DDX11: variants seen among roughly 807,000 people sequenced by gnomAD.
DDX11 encodes DEAD/H-box helicase 11, also known as ATP-dependent DNA helicase DDX11.
Under a neutral mutation model 125.2 loss-of-function variants are expected in DDX11, and 72 were observed. The observed-to-expected ratio is 0.58, with a 90% CI of 0.48 to 0.70. DDX11 has a LOEUF of 0.70. DDX11 is among the 30% of genes least tolerant of loss of function. DDX11 has a pLI of 0.00. For synonymous variants in DDX11, 347 were observed against 452.6 expected (o/e 0.77, Z 2.96); for missense variants, 883 against 1,165.0 (o/e 0.76, Z 3.52).
In DDX11 at chr12:31,103,741, A is replaced by G. The variant is rs1406310256; in HGVS notation, c.2691+10A>G. On this transcript the variant is annotated intron_variant, in intron 26 of 26. Coordinates refer to ENST00000542838, the MANE Select transcript of DDX11 (RefSeq NM_030653.4). ...TGCTGCTGTGCAGAAGGTCAGTCCT[A>G]CCTTTTTCTTTCTGAGAGCCTCCCC... is the stretch of plus-strand genomic sequence containing the variant. The G allele has an allele frequency of 2.5e-6, 4 of 1,613,468 alleles. No homozygotes were observed. The highest frequency in any genetic ancestry group is 1.7e-5 in the Admixed American group (1 of 60,010).
chr12:31,074,879 G>C (rs1312575630), intron 1 of DDX11, among the ~76,000 whole-genome samples: 1 of 152,232 alleles, frequency 6.6e-6, no homozygotes, highest in African/African-American at 2.4e-5. Context: ...CATAAACTGG[G>C]TGGCTTAGAC....
chr12:31,096,632 C>T lies in DDX11; in HGVS notation c.1522-5C>T, dbSNP rs1179789271. ...CTCTCCACTGCTCTCTCTCATCCCACCCAGCTCTTTGGATTCACTGAACGG... is the reference window on the plus strand; with the variant it reads ...CTCTCCACTGCTCTCTCTCATCCCATCCAGCTCTTTGGATTCACTGAACGG... On this transcript the variant is annotated splice_polypyrimidine_tract_variant and splice_region_variant and intron_variant, in intron 15 of 26. Coordinates refer to ENST00000542838, the MANE Select transcript of DDX11 (RefSeq NM_030653.4). 6.2e-7 allele frequency: 1 copy of T among 1,613,078 alleles called. No homozygotes were observed. Among genetic ancestry groups the T allele is most frequent in the Non-Finnish European group, 8.5e-7 (1 of 1,179,876 alleles).
rs1046459 is a variant in DDX11 at position 31,104,127 on chromosome 12, T to A, written c.*291T>A. The A allele has an allele frequency of 1.8e-5, 27 of 1,482,508 alleles. No homozygotes were observed. The highest frequency in any genetic ancestry group is 2.4e-5 in the Non-Finnish European group (27 of 1,116,210). The allele number at this position is 1,482,508 out of a possible 1,614,324, so 91.8% of individuals were successfully genotyped here. A position where few individuals can be genotyped will look rare whatever the true frequency, so the allele number is the denominator to read the frequency against. ...CATCCTGCATGGCTGAGAGCCAGGC[T>A]TCCTTCCTGGTCTCCGCAGGAGGCT... On this transcript the variant is annotated 3_prime_UTR_variant, in exon 27 of 27. Coordinates refer to ENST00000542838, the MANE Select transcript of DDX11 (RefSeq NM_030653.4).
intron 2 of DDX11, among the ~76,000 whole-genome samples, chr12:31,082,460 C>T (rs552472407): frequency 0.01 from 1,556 of 151,960 alleles, 29 homozygotes; most frequent in African/African-American, 0.035. Flanking sequence ...GGAACCCTGG[C>T]ACCTGGCTGT....
At chr12:31,101,193 C>A (rs1174257754) in intron 20 of DDX11, 63 bp downstream of exon 20, 16 of 1,441,224 alleles carry the variant, frequency 1.1e-5, no homozygotes, top group Admixed American at 5.0e-5. Context: ...TTTTCTGGGG[C>A]AGGGGCGCTC....
chr12:31,092,458 C>A (rs944910251), intron 10 of DDX11, among the ~76,000 whole-genome samples: 4 of 152,224 alleles, frequency 2.6e-5, no homozygotes, highest in African/African-American at 7.2e-5. Context: ...CCCACGACAT[C>A]CCACCAGCTC....
intron 4 of DDX11, 53 bp from the exon 5 acceptor site, chr12:31,084,916 G>C: frequency 6.4e-7 from 1 of 1,559,560 alleles, no homozygotes; most frequent in East Asian, 2.4e-5. Context: ...GGGGAGGTGG[G>C]TACTGGTGCT....
intron 1 of DDX11, among the ~76,000 whole-genome samples, chr12:31,074,937 T>A (rs1940490460): frequency 6.6e-6 from 1 of 152,282 alleles, no homozygotes. Flanking sequence ...ATGTCCAAGA[T>A]CAATGTGGGG....
intron 11 of DDX11, 92 bp from the exon 12 acceptor site, chr12:31,093,153 G>A (rs1944534525): frequency 1.5e-6 from 2 of 1,368,988 alleles, no homozygotes; most frequent in Non-Finnish European, 2.0e-6. Flanking sequence ...GACCCAGTTT[G>A]AGAGGCACCG....
At chr12:31,076,083 G>C (rs1343526248) in intron 1 of DDX11, among the ~76,000 whole-genome samples, 1 of 152,174 alleles carries the variant, frequency 6.6e-6, no homozygotes, top group Non-Finnish European at 1.5e-5. Flanking sequence ...AGCCTGACCA[G>C]TCTCAGGCTG....
intron 26 of DDX11, 35 bp downstream of exon 26, chr12:31,103,766 C>T: frequency 1.9e-6 from 3 of 1,613,688 alleles, no homozygotes; most frequent in Non-Finnish European, 2.5e-6. Flanking sequence ...AGAGCCTCCC[C>T]ACCCCGAGAT....
chr12:31,101,735 C>T, intron 20 of DDX11, 98 bp from the exon 21 acceptor site: 1 of 1,545,518 alleles, frequency 6.5e-7, no homozygotes, highest in Non-Finnish European at 8.9e-7. Flanking sequence ...TGCCGAGGGT[C>T]TCTCCTCAGT....
rs1942525592 is a variant in DDX11 at position 31,083,954 on chromosome 12, T to G, written c.286T>G (p.Ser96Ala). The change falls in exon 3 of 27, where the codon TCT (serine) becomes GCT (alanine). Residue 96 changes from serine to alanine, a missense_variant. By Grantham distance (99) the Ser-to-Ala change is moderately conservative. Coordinates refer to ENST00000542838, the MANE Select transcript of DDX11 (RefSeq NM_030653.4). ...DEKDESLCLSSSCEGAAGTPR... is the reference protein window; with the variant it reads ...DEKDESLCLSASCEGAAGTPR... ...GAAAGATGAATCCCTGTGTCTGTCT[T>G]CTTCCTGCGAAGGGGCTGCAGGCAC... is the stretch of plus-strand genomic sequence containing the variant. The G allele has an allele frequency of 6.2e-7, 1 of 1,613,964 alleles. No individual in the cohort carries two copies. The highest frequency in any genetic ancestry group is 8.5e-7 in the Non-Finnish European group (1 of 1,179,874).
chr12:31,095,826 A>G (rs1945126455), intron 14 of DDX11, among the ~76,000 whole-genome samples: 1 of 152,030 alleles, frequency 6.6e-6, no homozygotes, highest in Admixed American at 6.6e-5. Flanking sequence ...CTCACCATTG[A>G]GGGAATCCTC....
intron 5 of DDX11, chr12:31,086,021 G>A (rs563201824): frequency 1.5e-5 from 7 of 454,260 alleles, no homozygotes; most frequent in South Asian, 1.1e-4. Flanking sequence ...CAGTCTGTCT[G>A]CAGGGCGCCT....
At chr12:31,075,956 A>G (rs1358027048) in intron 1 of DDX11, among the ~76,000 whole-genome samples, 1 of 152,136 alleles carries the variant, frequency 6.6e-6, no homozygotes, top group African/African-American at 2.4e-5. Context: ...CAGCGGCCAG[A>G]CAGCCGGAGA....
Position 31,091,887 on chromosome 12 carries a change from C to T in DDX11, c.1242+16C>T, listed in dbSNP as rs369752419. 862 of 1,613,780 alleles carry T rather than the reference C, an allele frequency of 5.3e-4. 13 individuals are homozygous for T. The East Asian group carries it at 0.015, about 28-fold the overall frequency. On this transcript the variant is annotated intron_variant, in intron 10 of 26. Coordinates refer to ENST00000542838, the MANE Select transcript of DDX11 (RefSeq NM_030653.4). Reference sequence around the variant, plus strand: ...CGGCTCCCAGGTGTGTGGGCCTCCCCTCCCCGGGCCAGGGCCTGCTGTGAC... The same window carrying T: ...CGGCTCCCAGGTGTGTGGGCCTCCCTTCCCCGGGCCAGGGCCTGCTGTGAC...
chr12:31,101,980 A>G lies in DDX11; in HGVS notation c.2200A>G (p.Lys734Glu), dbSNP rs747499211. Residue 734 changes from lysine to glutamate, a missense_variant and splice_region_variant, in exon 21 of 27, where the codon AAG becomes GAG. Coordinates refer to ENST00000542838, the MANE Select transcript of DDX11 (RefSeq NM_030653.4). ...GCTGGGCCGTCTGGCTGCCAGGAAGAAGGTGAGTGGCCTGTCGGCAGCCTT... is the reference window on the plus strand; with the variant it reads ...GCTGGGCCGTCTGGCTGCCAGGAAGGAGGTGAGTGGCCTGTCGGCAGCCTT... The part of the protein sequence containing the change: ...GLLGRLAARK[K>E]IFQEPKSAHQ... The G allele has an allele frequency of 6.2e-7, 1 of 1,611,786 alleles. No individual in the cohort carries two copies. The highest frequency in any genetic ancestry group is 1.3e-5 in the African/African-American group (1 of 74,952).
At chr12:31,076,051 G>A (rs1265800206) in intron 1 of DDX11, among the ~76,000 whole-genome samples, 1 of 152,110 alleles carries the variant, frequency 6.6e-6, no homozygotes, top group Non-Finnish European at 1.5e-5. Context: ...TGCAAGGCCC[G>A]AGCTGAGTAG....
Sources: allele counts gnomAD v4.1 joint callset (sites outside exome capture counted in the v4.1 genomes callset), GRCh38; gene constraint gnomAD v4.1.1; transcripts MANE v1.5; gene names NCBI Gene and HGNC (gene_info 2026-07-23, HGNC 2026-07-21).